The following LPP variants were observed in gnomAD, a reference collection of about 807,000 sequenced individuals.
LPP encodes lipoma-preferred partner.
LPP carries 38 observed loss-of-function variants against 60.4 expected under a neutral mutation model. The ratio of observed to expected loss-of-function variants is 0.63; its 90% CI spans 0.49 to 0.83. The LOEUF (loss-of-function observed/expected upper bound fraction) is 0.83. LPP is among the 40% of genes least tolerant of loss of function. The probability of loss-of-function intolerance (pLI) is 0.00; values close to 1 mark genes in which losing one functional copy is unlikely to be tolerated. For missense variants in LPP, 902 were observed against 783.6 expected (o/e 1.15, Z -1.80); for synonymous variants, 328 against 290.8 (o/e 1.13, Z -1.30).
intron 2 of LPP, among the ~76,000 whole-genome samples, chr3:188,249,917 G>A (rs1164910847): frequency 7.6e-6 from 1 of 131,620 alleles, no homozygotes; most frequent in Non-Finnish European, 1.6e-5. Context: ...TTTTTTTCCA[G>A]AAGTATTTCA....
chr3:188,553,103 C>A (rs1361517183), intron 6 of LPP, among the ~76,000 whole-genome samples: 1 of 152,156 alleles, frequency 6.6e-6, no homozygotes, highest in Non-Finnish European at 1.5e-5. Context: ...AATATTTAAT[C>A]TATAATGATG....
At chr3:188,577,459 G>A (rs182350040) in intron 6 of LPP, among the ~76,000 whole-genome samples, 1 of 151,784 alleles carries the variant, frequency 6.6e-6, no homozygotes, top group East Asian at 1.9e-4. Flanking sequence ...GGGATTTTGG[G>A]AACAGGCTTC....
chr3:188,848,795 A>G (rs1057232849), intron 9 of LPP, among the ~76,000 whole-genome samples: 10 of 152,050 alleles, frequency 6.6e-5, no homozygotes, highest in Non-Finnish European at 1.0e-4. Flanking sequence ...GTGAAACCCC[A>G]TCTCTACTAA....
chr3:188,595,591 AT>A (rs936737941), intron 6 of LPP, among the ~76,000 whole-genome samples: 7 of 152,174 alleles, frequency 4.6e-5, no homozygotes, highest in Non-Finnish European at 8.8e-5. Flanking sequence ...AGAAAACATA[AT>A]TTTTTAGTAC....
chr3:188,318,994 G>A lies in LPP; in HGVS notation c.-66-22669G>A, dbSNP rs185863728. Among the ~76,000 whole-genome samples, 1,035 of 151,926 alleles carry A rather than the reference G, an allele frequency of 6.8e-3. 14 individuals are homozygous for A. Among genetic ancestry groups the A allele is most frequent in the African/African-American group, 0.023 (941 of 41,436 alleles). ...GGGATGGTCTCGATCTCCTGACCTCGTGATCCGCCCGCCTCGGCCTCCCAA... is the reference window on the plus strand; with the variant it reads ...GGGATGGTCTCGATCTCCTGACCTCATGATCCGCCCGCCTCGGCCTCCCAA... On this transcript the variant is annotated intron_variant, in intron 2 of 11. Coordinates refer to ENST00000617246, the MANE Select transcript of LPP (RefSeq NM_001375462.1).
intron 9 of LPP, among the ~76,000 whole-genome samples, chr3:188,770,193 TTC>T (rs1735443398): frequency 7.4e-6 from 1 of 135,326 alleles, no homozygotes; most frequent in Non-Finnish European, 1.6e-5. Flanking sequence ...TTTTTTTTTT[TTC>T]CGAGACGGGG....
intron 2 of LPP, among the ~76,000 whole-genome samples, chr3:188,295,481 T>C (rs1747559949): frequency 1.3e-5 from 2 of 152,212 alleles, no homozygotes; most frequent in African/African-American, 4.8e-5. Context: ...ATTAGGCCCT[T>C]CGTTGAGCAG....
At chr3:188,575,001 T>C (rs1448795439) in intron 6 of LPP, among the ~76,000 whole-genome samples, 4 of 152,066 alleles carry the variant, frequency 2.6e-5, no homozygotes, top group Non-Finnish European at 4.4e-5. Context: ...CTGCTGTATT[T>C]ACAGCTATGA....
At chr3:188,169,445 G>C (rs1720927106) in intron 1 of LPP, among the ~76,000 whole-genome samples, 1 of 152,206 alleles carries the variant, frequency 6.6e-6, no homozygotes, top group African/African-American at 2.4e-5. Context: ...AAGTTCAGCT[G>C]TAGGAACATG....
At chr3:188,250,966 TCCCTTCCCTTCCCTC>T (rs1729325117) in intron 2 of LPP, among the ~76,000 whole-genome samples, 3 of 21,584 alleles carry the variant, frequency 1.4e-4, no homozygotes, top group African/African-American at 7.2e-4. Flanking sequence ...TCCCTTCCCT[TCCCTTCCCTTCCCTC>T]CCCTCCCCTG....
At chr3:188,436,319 A>C (rs931156700) in intron 4 of LPP, among the ~76,000 whole-genome samples, 1 of 152,152 alleles carries the variant, frequency 6.6e-6, no homozygotes, top group African/African-American at 2.4e-5. Flanking sequence ...AGTTTTAGTA[A>C]ATTTTATTTT....
chr3:188,748,655 C>G (rs1311596181), intron 8 of LPP, among the ~76,000 whole-genome samples: 1 of 152,030 alleles, frequency 6.6e-6, no homozygotes, highest in South Asian at 2.1e-4. Context: ...TGGTGACGTG[C>G]GCCTGTAATC....
intron 9 of LPP, among the ~76,000 whole-genome samples, chr3:188,801,461 A>G (rs75397722): frequency 6.6e-6 from 1 of 152,090 alleles, no homozygotes; most frequent in Non-Finnish European, 1.5e-5. Context: ...TTTGGTGTTT[A>G]TTTATTTATT....
At chr3:188,641,992 C>T (rs186238574) in intron 7 of LPP, among the ~76,000 whole-genome samples, 141 of 152,328 alleles carry the variant, frequency 9.3e-4, no homozygotes, top group African/African-American at 3.2e-3. Flanking sequence ...CTATTACCAT[C>T]AGAAGCAAAC....
At chr3:188,772,937 G>A (rs562958972) in intron 9 of LPP, among the ~76,000 whole-genome samples, 1 of 152,260 alleles carries the variant, frequency 6.6e-6, no homozygotes, top group East Asian at 1.9e-4. Flanking sequence ...AAGGAAGGAG[G>A]AGAACTTGGC....
At chr3:188,170,310 G>GTTTCT (rs1273015862) in intron 1 of LPP, among the ~76,000 whole-genome samples, 6 of 148,062 alleles carry the variant, frequency 4.1e-5, no homozygotes, top group African/African-American at 7.5e-5. Context: ...GGGAGTCTCA[G>GTTTCT]TTTCTTTTCT....
chr3:188,602,069 A>AAT (rs10534152), intron 6 of LPP, among the ~76,000 whole-genome samples: 2,620 of 128,654 alleles, frequency 0.02, 78 homozygotes, highest in African/African-American at 0.067. Context: ...CTCTATCTCA[A>AAT]ATATATATAT....
At chr3:188,357,491 T>G (rs924813675) in intron 3 of LPP, among the ~76,000 whole-genome samples, 1 of 152,234 alleles carries the variant, frequency 6.6e-6, no homozygotes. Context: ...GAAACAGCAG[T>G]TGCATGCCAA....
At chr3:188,632,529 T>G (rs1479219908) in intron 7 of LPP, among the ~76,000 whole-genome samples, 1 of 152,140 alleles carries the variant, frequency 6.6e-6, no homozygotes, top group East Asian at 1.9e-4. Context: ...GCAAAGCAAA[T>G]GTACTAAAAG....
Sources: gnomAD v4.1 joint callset for allele counts (sites outside exome capture counted in the v4.1 genomes callset) on GRCh38, gnomAD v4.1.1 for gene constraint, MANE v1.5 for transcripts, NCBI Gene and HGNC (gene_info 2026-07-23, HGNC 2026-07-21) for gene names.